TRPC4: variants seen among roughly 807,000 people sequenced by gnomAD.
TRPC4 encodes short transient receptor potential channel 4.
TRPC4 carries 49 observed loss-of-function variants against 99.4 expected under a neutral mutation model. That is an observed-to-expected ratio of 0.49 (90% CI 0.39 to 0.63). TRPC4 has a LOEUF of 0.63. TRPC4 is among the 20% of genes least tolerant of loss of function. The pLI is 0.00. For synonymous variants in TRPC4, 454 were observed against 425.9 expected (o/e 1.07, Z -0.81); for missense variants, 898 against 1,152.9 (o/e 0.78, Z 3.20).
intron 1 of TRPC4, among the ~76,000 whole-genome samples, chr13:37,834,943 C>T (rs534558358): frequency 4.0e-4 from 61 of 152,006 alleles, no homozygotes; most frequent in Non-Finnish European, 7.9e-4. Flanking sequence ...CCAAGTTGGC[C>T]AGGCTGGTCT....
At chr13:37,813,811 A>G (rs1471364863) in intron 1 of TRPC4, among the ~76,000 whole-genome samples, 1 of 151,870 alleles carries the variant, frequency 6.6e-6, no homozygotes, top group East Asian at 1.9e-4. Context: ...TCTAGCAAAA[A>G]ACAGAAGGAA....
At chr13:37,812,181 A>AAAAAAACAAACAAAC (rs1566188821) in intron 1 of TRPC4, among the ~76,000 whole-genome samples, 2 of 145,524 alleles carry the variant, frequency 1.4e-5, no homozygotes, top group African/African-American at 5.3e-5. Context: ...TCTATCAAAA[A>AAAAAAACAAACAAAC]AAAAAAAAAA....
At chr13:37,783,427 C>A (rs561625173) in intron 1 of TRPC4, 67 bp from the exon 2 acceptor site, 2 of 1,253,552 alleles carry the variant, frequency 1.6e-6, no homozygotes, top group Admixed American at 2.6e-5. Flanking sequence ...AAGCATCATA[C>A]TTCTCCAACT....
At chr13:37,780,242 G>T (rs367793566) in intron 2 of TRPC4, among the ~76,000 whole-genome samples, 6 of 152,204 alleles carry the variant, frequency 3.9e-5, no homozygotes, top group African/African-American at 1.4e-4. Context: ...ATTTCTGAAA[G>T]AGTATATTTT....
chr13:37,651,936 T>C (rs1952059600), intron 7 of TRPC4, among the ~76,000 whole-genome samples: 1 of 152,242 alleles, frequency 6.6e-6, no homozygotes, highest in African/African-American at 2.4e-5. Context: ...TTCATGTGAA[T>C]ATTATTGCCC....
At chr13:37,753,596 A>AGAGAGAGAGAGAGAGAGAGAGG (rs1477439372) in intron 2 of TRPC4, among the ~76,000 whole-genome samples, 184 of 141,046 alleles carry the variant, frequency 1.3e-3, no homozygotes, top group African/African-American at 4.3e-3. Flanking sequence ...AGAGAGAGAG[A>AGAGAGAGAGAGAGAGAGAGAGG]GAGAGAGAGA....
chr13:37,801,844 A>G (rs1456797456), intron 1 of TRPC4, among the ~76,000 whole-genome samples: 3 of 152,118 alleles, frequency 2.0e-5, no homozygotes, highest in African/African-American at 7.2e-5. Flanking sequence ...TTGAAGGATG[A>G]AAAATATGTA....
At position 37,746,138 on chromosome 13, in the gene TRPC4, C is replaced by T. The variant is rs1288343911; in HGVS notation, c.696G>A (p.Lys232=). Residue 232 remains lysine, a synonymous_variant, in exon 3 of 11, where the codon AAG becomes AAA. Coordinates refer to ENST00000379705, the MANE Select transcript of TRPC4 (RefSeq NM_016179.4). The stretch of plus-strand genomic sequence containing the variant: ...ACTCCGACTTGAATTCATTTTCCAC[C>T]TTGCTCAGTTCCTGAAGTTCCCAAC... ...QLSWELQELS[K]VENEFKSEYE... The T allele has an allele frequency of 6.2e-7, 1 of 1,613,722 alleles. No homozygotes were observed.
intron 1 of TRPC4, among the ~76,000 whole-genome samples, chr13:37,864,499 C>T (rs1468286482): frequency 6.6e-6 from 1 of 151,474 alleles, no homozygotes. Context: ...CAATTGGCAT[C>T]ATTATATAAA....
At chr13:37,665,637 C>T (rs971357663) in intron 5 of TRPC4, among the ~76,000 whole-genome samples, 3 of 151,990 alleles carry the variant, frequency 2.0e-5, no homozygotes, top group African/African-American at 4.8e-5. Context: ...CTGTCTGGGG[C>T]TTCTGAGGCT....
At chr13:37,849,376 T>C (rs1958996907) in intron 1 of TRPC4, among the ~76,000 whole-genome samples, 1 of 152,160 alleles carries the variant, frequency 6.6e-6, no homozygotes, top group African/African-American at 2.4e-5. Flanking sequence ...GTGAGGTGCG[T>C]TCTCCTGAAG....
chr13:37,656,357 G>A (rs1200460361), intron 6 of TRPC4, among the ~76,000 whole-genome samples: 2 of 152,174 alleles, frequency 1.3e-5, no homozygotes, highest in East Asian at 3.9e-4. Flanking sequence ...GACTAAGGAG[G>A]TAGGATTTCT....
chr13:37,758,424 ATT>A (rs1435215967), intron 2 of TRPC4, among the ~76,000 whole-genome samples: 21 of 151,834 alleles, frequency 1.4e-4, no homozygotes, highest in African/African-American at 4.8e-4. Flanking sequence ...GATAAGGATT[ATT>A]TACCAAAACC....
At chr13:37,760,862 C>G (rs1956205048) in intron 2 of TRPC4, among the ~76,000 whole-genome samples, 2 of 151,936 alleles carry the variant, frequency 1.3e-5, no homozygotes, top group African/African-American at 2.4e-5. Context: ...ATAATGATAA[C>G]TTAATATCAA....
At chr13:37,639,322 T>G (rs1472524211) in intron 8 of TRPC4, 23 bp from the exon 9 acceptor site, 1 of 1,611,798 alleles carries the variant, frequency 6.2e-7, no homozygotes, top group East Asian at 2.2e-5. Context: ...AGGACATTCC[T>G]TTCTGGTTAT....
chr13:37,749,220 G>A (rs1164863992), intron 2 of TRPC4, among the ~76,000 whole-genome samples: 1 of 152,094 alleles, frequency 6.6e-6, no homozygotes, highest in African/African-American at 2.4e-5. Flanking sequence ...ATATGGAACT[G>A]TGAGTCAATT....
intron 4 of TRPC4, among the ~76,000 whole-genome samples, chr13:37,681,123 G>T (rs1245339565): frequency 1.3e-5 from 2 of 152,120 alleles, no homozygotes; most frequent in Non-Finnish European, 2.9e-5. Flanking sequence ...ATTTTATTTC[G>T]ACTTCCTTCA....
intron 5 of TRPC4, among the ~76,000 whole-genome samples, chr13:37,671,703 G>A (rs138021385): frequency 6.6e-6 from 1 of 152,218 alleles, no homozygotes; most frequent in East Asian, 1.9e-4. Flanking sequence ...TTTTATGGAT[G>A]AGACAAATAG....
At chr13:37,831,373 G>A (rs1162781241) in intron 1 of TRPC4, among the ~76,000 whole-genome samples, 5 of 152,144 alleles carry the variant, frequency 3.3e-5, no homozygotes, top group Non-Finnish European at 4.4e-5. Context: ...TTATCAAAAT[G>A]ATGAAAGATA....
Sources: gnomAD v4.1 joint callset for allele counts (sites outside exome capture counted in the v4.1 genomes callset) on GRCh38, gnomAD v4.1.1 for gene constraint, MANE v1.5 for transcripts, NCBI Gene and HGNC (gene_info 2026-07-23, HGNC 2026-07-21) for gene names.